Variants in FRYL observed in about 807,000 individuals in gnomAD.
FRYL encodes the protein FRY like transcription coactivator.
A neutral mutation model predicts 351.2 loss-of-function variants in FRYL; 150 were observed. The observed-to-expected ratio is 0.43, with a 90% CI of 0.37 to 0.49. The LOEUF (loss-of-function observed/expected upper bound fraction) is 0.49, where lower values mean the gene tolerates loss of function less well. Among genes scored for constraint, FRYL ranks in the 20% least tolerant of loss-of-function variants. The pLI, the probability that FRYL is intolerant of heterozygous loss-of-function variation, is 0.00. For synonymous variants in FRYL, 1,153 were observed against 1,257.1 expected, an observed-to-expected ratio of 0.92 and a Z score of 1.75; for missense variants, 3,036 against 3,619.3, an observed-to-expected ratio of 0.84 and a Z score of 4.13.
chr4:48,519,211 TCTC>T (rs1235304706), intron 55 of FRYL, among the ~76,000 whole-genome samples: 1 of 152,214 alleles, frequency 6.6e-6, no homozygotes, highest in Non-Finnish European at 1.5e-5. Context: ...ATATAGGACT[TCTC>T]CTGTCTTGGA....
At position 48,510,922 on chromosome 4, in the gene FRYL, C is replaced by T. The variant is rs768921063; in HGVS notation, c.8208G>A (p.Leu2736=). ...NEAVSFLGDS[L]QRIGTKFKSS... ...TTTTAAATTTGGTACCAATGCGTTG[C>T]AGACTATCACCAAGAAAGCTGACTG... The change falls in exon 58 of 64, where the codon CTG becomes CTA. Residue 2736 remains leucine, a synonymous_variant. Coordinates refer to ENST00000358350, the MANE Select transcript of FRYL (RefSeq NM_015030.2). 3 of 1,612,126 alleles carry T rather than the reference C, an allele frequency of 1.9e-6. No homozygotes were observed. Among genetic ancestry groups the T allele is most frequent in the Non-Finnish European group, 2.5e-6 (3 of 1,178,386 alleles).
At chr4:48,695,219 T>C (rs1438473302) in intron 2 of FRYL, among the ~76,000 whole-genome samples, 1 of 152,214 alleles carries the variant, frequency 6.6e-6, no homozygotes, top group African/African-American at 2.4e-5. Flanking sequence ...TCTGTGGTGC[T>C]GTAAGAGTTG....
In FRYL at chr4:48,651,213, C is replaced by CGTGT. The variant is rs10604700; in HGVS notation, c.-80-16727_-80-16724dup. On this transcript the variant is annotated intron_variant, in intron 3 of 63. Transcript: ENST00000358350. ...CCTGAGTAGCTGGGACCACATGCAC[C>CGTGT]GTGTGTGTGTGTGTGTGTGTGTGTG... Among the ~76,000 whole-genome samples the CGTGT allele has an allele frequency of 2.4e-3, 250 of 104,956 alleles. 9 individuals carry two copies. Among genetic ancestry groups the CGTGT allele is most frequent in the African/African-American group, 6.2e-3 (165 of 26,530 alleles). The allele number at this position is 104,956 out of a possible 152,430, so 68.9% of individuals were successfully genotyped here.
intron 2 of FRYL, among the ~76,000 whole-genome samples, chr4:48,691,307 G>A (rs1345016765): frequency 6.6e-6 from 1 of 151,868 alleles, no homozygotes; most frequent in Non-Finnish European, 1.5e-5. Context: ...CCTATGAGCA[G>A]AATATTGCAG....
chr4:48,768,298 G>A (rs1775167432), intron 1 of FRYL, among the ~76,000 whole-genome samples: 1 of 152,150 alleles, frequency 6.6e-6, no homozygotes, highest in East Asian at 1.9e-4. Context: ...TACAAAGAAG[G>A]ACAGATTACG....
intron 23 of FRYL, 131 bp from the exon 24 acceptor site, chr4:48,576,353 G>A (rs1217103783): frequency 1.5e-6 from 1 of 652,400 alleles, no homozygotes; most frequent in Non-Finnish European, 2.4e-6. Context: ...CCAGGCCGGA[G>A]TGCAACTGGC....
At chr4:48,739,841 T>C (rs1435139895) in intron 1 of FRYL, among the ~76,000 whole-genome samples, 1 of 152,144 alleles carries the variant, frequency 6.6e-6, no homozygotes, top group Non-Finnish European at 1.5e-5. Context: ...CTTGGATTAA[T>C]AGATAATGTA....
At position 48,519,491 on chromosome 4, in the gene FRYL, CT is replaced by C. The variant is rs869060152; in HGVS notation, c.7689+1556del. On this transcript the variant is annotated intron_variant, in intron 55 of 63. Coordinates refer to ENST00000358350, the MANE Select transcript of FRYL (RefSeq NM_015030.2). Reference sequence around the variant, plus strand: ...AATTTTCCACACTGAAATGTAATTTCTTTTTTTTTTTTTTTTAATTTTTTAT... The same window carrying C: ...AATTTTCCACACTGAAATGTAATTTCTTTTTTTTTTTTTTTAATTTTTTAT... Among the ~76,000 whole-genome samples, 862 of 123,218 alleles carry C rather than the reference CT, an allele frequency of 7.0e-3. 2 individuals are homozygous for C. The highest frequency in any genetic ancestry group is 0.015 in the African/African-American group (543 of 35,940). 80.8% of individuals were successfully genotyped at this position (123,218 alleles called of 152,430 possible).
intron 3 of FRYL, among the ~76,000 whole-genome samples, chr4:48,658,134 G>A (rs1469442062): frequency 7.6e-6 from 1 of 131,470 alleles, no homozygotes; most frequent in Non-Finnish European, 1.6e-5. Flanking sequence ...ACTTAATATA[G>A]AATGAAGTTC....
intron 31 of FRYL, among the ~76,000 whole-genome samples, 175 bp downstream of exon 31, chr4:48,563,773 A>T (rs1156630694): frequency 6.6e-6 from 1 of 151,992 alleles, no homozygotes; most frequent in Non-Finnish European, 1.5e-5. Flanking sequence ...ACAGCATTTT[A>T]TATAGAAGGC....
At chr4:48,675,327 A>G (rs1182037362) in intron 3 of FRYL, among the ~76,000 whole-genome samples, 3 of 152,144 alleles carry the variant, frequency 2.0e-5, no homozygotes, top group Admixed American at 2.0e-4. Flanking sequence ...CTCACCTTGC[A>G]GGGAGGTGTG....
At chr4:48,611,857 T>C (rs1748274989) in intron 7 of FRYL, among the ~76,000 whole-genome samples, 1 of 152,208 alleles carries the variant, frequency 6.6e-6, no homozygotes, top group Admixed American at 6.5e-5. Flanking sequence ...GATATCATTT[T>C]ATACCTACTT....
At chr4:48,625,066 T>C (rs996874311) in intron 4 of FRYL, among the ~76,000 whole-genome samples, 3 of 152,194 alleles carry the variant, frequency 2.0e-5, no homozygotes, top group African/African-American at 7.2e-5. Flanking sequence ...TTGTTTCTCT[T>C]GGGTCCCCTG....
intron 53 of FRYL, among the ~76,000 whole-genome samples, chr4:48,526,611 T>C (rs756797722): frequency 6.6e-6 from 1 of 152,210 alleles, no homozygotes; most frequent in Non-Finnish European, 1.5e-5. Flanking sequence ...AAGACGGTTT[T>C]GCTGCTATCT....
chr4:48,561,690 G>T, intron 32 of FRYL, 54 bp from the exon 33 acceptor site: 1 of 1,346,864 alleles, frequency 7.4e-7, no homozygotes, highest in Non-Finnish European at 1.0e-6. Context: ...GTTCTCTAAA[G>T]TTTAACTATA....
intron 13 of FRYL, among the ~76,000 whole-genome samples, chr4:48,596,705 G>T (rs996164243): frequency 6.6e-6 from 1 of 152,000 alleles, no homozygotes; most frequent in African/African-American, 2.4e-5. Flanking sequence ...TTTTTATTTA[G>T]AATAAGGACA....
intron 40 of FRYL, 80 bp downstream of exon 40, chr4:48,548,610 A>G (rs1403323326): frequency 1.3e-6 from 1 of 797,604 alleles, no homozygotes; most frequent in Non-Finnish European, 2.1e-6. Context: ...AGAAACACAT[A>G]AAAACTGTCA....
chr4:48,747,827 C>T (rs1772840253), intron 1 of FRYL, among the ~76,000 whole-genome samples: 1 of 152,144 alleles, frequency 6.6e-6, no homozygotes, highest in African/African-American at 2.4e-5. Context: ...AACCAGTCTT[C>T]CCATGAAAAT....
At chr4:48,629,872 A>T (rs1752613380) in intron 4 of FRYL, among the ~76,000 whole-genome samples, 1 of 152,150 alleles carries the variant, frequency 6.6e-6, no homozygotes, top group African/African-American at 2.4e-5. Context: ...TTGTTTTAAA[A>T]AGCTTGTTTA....
Sources: allele counts gnomAD v4.1 joint callset (sites outside exome capture counted in the v4.1 genomes callset), GRCh38; gene constraint gnomAD v4.1.1; transcripts MANE v1.5; gene names NCBI Gene and HGNC (gene_info 2026-07-23, HGNC 2026-07-21).